PITPNM1: variants seen among roughly 807,000 people sequenced by gnomAD.
The protein encoded by PITPNM1 is membrane-associated phosphatidylinositol transfer protein 1.
PITPNM1 carries 74 observed loss-of-function variants against 133.3 expected under a neutral mutation model. That is an observed-to-expected ratio of 0.56 (90% CI 0.46 to 0.67). PITPNM1 has a LOEUF of 0.67. PITPNM1 is among the 30% of genes least tolerant of loss of function. The pLI is 0.00. For synonymous variants in PITPNM1, 738 were observed against 741.4 expected, an observed-to-expected ratio of 1.00 and a Z score of 0.08; for missense variants, 1,398 against 1,739.5, an observed-to-expected ratio of 0.80 and a Z score of 3.49.
rs1381527424 is a variant in PITPNM1 at position 67,498,089 on chromosome 11, G to T, written c.1674+44C>A. ...CTCACCCAGGCCAGACTACAGTGGG[G>T]GCTGCAGTGGAGGGCAGCAGATGGA... On this transcript the variant is annotated intron_variant, in intron 11 of 23. Coordinates refer to ENST00000356404, the MANE Select transcript of PITPNM1 (RefSeq NM_004910.3). This position sits in a 1 kb window ranked among gnomAD's most constrained non-coding sequence, Gnocchi z 5.7. The T allele has an allele frequency of 1.2e-6, 2 of 1,606,842 alleles. No homozygotes were observed. The highest frequency in any genetic ancestry group is 1.7e-6 in the Non-Finnish European group (2 of 1,176,734).
In PITPNM1 at chr11:67,504,940, G is replaced by A. The variant is rs1048986539; in HGVS notation, c.-42+248C>T. On this transcript the variant is annotated intron_variant, in intron 1 of 23. Coordinates refer to ENST00000356404, the MANE Select transcript of PITPNM1 (RefSeq NM_004910.3). This position sits in a 1 kb window ranked among gnomAD's most constrained non-coding sequence, Gnocchi z 5.4. ...AGGCAGCCACTCCGTCCTCTTCCCAGGGGGTGAGCCCTCCTCAGGCTGAGG... is the reference window on the plus strand; with the variant it reads ...AGGCAGCCACTCCGTCCTCTTCCCAAGGGGTGAGCCCTCCTCAGGCTGAGG... 2.0e-5 allele frequency: 3 copies of A among 152,602 alleles called. No homozygotes were observed. The highest frequency in any genetic ancestry group is 4.4e-5 in the Non-Finnish European group (3 of 68,380). 9.5% of individuals were successfully genotyped at this position (152,602 alleles called of 1,614,324 possible). A position where few individuals can be genotyped will look rare whatever the true frequency, so the allele number is the denominator to read the frequency against.
chr11:67,501,845 C>T lies in PITPNM1; in HGVS notation c.640+17G>A, dbSNP rs202164426. 2.6e-5 allele frequency: 42 copies of T among 1,610,038 alleles called. No homozygotes were observed. Among genetic ancestry groups the T allele is most frequent in the East Asian group, 2.2e-4 (10 of 44,790 alleles). On this transcript the variant is annotated intron_variant, in intron 5 of 23. Transcript: ENST00000356404. ...GGCATGCTGGGTAAGTGGGACCTCCCGCAGCTGGGTGCTCACCTACATCAT... is the reference window on the plus strand; with the variant it reads ...GGCATGCTGGGTAAGTGGGACCTCCTGCAGCTGGGTGCTCACCTACATCAT...
Position 67,502,763 on chromosome 11 carries a change from A to T in PITPNM1, c.79-45T>A, listed in dbSNP as rs777530100. 6.4e-7 allele frequency: 1 copy of T among 1,573,824 alleles called. No individual in the cohort carries two copies. Among genetic ancestry groups the T allele is most frequent in the East Asian group, 2.3e-5 (1 of 44,284 alleles). On this transcript the variant is annotated intron_variant, in intron 2 of 23. Transcript: ENST00000356404. This position sits in a 1 kb window ranked among gnomAD's most constrained non-coding sequence, Gnocchi z 5.9. ...AGGACAGGGAGCTCAGCCCCAGCTT[A>T]GCATCTGGGATCCCCAGCTCAGCCT... is the stretch of plus-strand genomic sequence containing the variant.
Position 67,499,894 on chromosome 11 carries a change from A to G in PITPNM1, c.1063+20T>C, listed in dbSNP as rs369872705. 1.9e-6 allele frequency: 3 copies of G among 1,605,634 alleles called. No homozygotes were observed. Among genetic ancestry groups the G allele is most frequent in the Middle Eastern group, 1.6e-4 (1 of 6,070 alleles). On this transcript the variant is annotated intron_variant, in intron 7 of 23. Transcript: ENST00000356404. ...CTGCTCGGGGACATCCCCACTCCCA[A>G]AAAGGGCCTCAGTGCTGACCGTGGG...
In PITPNM1 at chr11:67,502,501, C is replaced by T; in HGVS notation, c.293+3G>A. ...TCGGACCATGCCCAGCTCACCCACT[C>T]ACCGGGTTCGGGTGTAGGGGTAGGC... is the stretch of plus-strand genomic sequence containing the variant. On this transcript the variant is annotated splice_donor_region_variant and intron_variant, in intron 3 of 23. Transcript: ENST00000356404. This position sits in a 1 kb window ranked among gnomAD's most constrained non-coding sequence, Gnocchi z 5.9. The T allele has an allele frequency of 6.2e-7, 1 of 1,613,774 alleles. No individual in the cohort carries two copies. The highest frequency in any genetic ancestry group is 8.5e-7 in the Non-Finnish European group (1 of 1,180,014).
rs767060282 is a variant in PITPNM1, at chr11:67,495,074, C to T, written c.2631+3G>A. The T allele has an allele frequency of 6.2e-7, 1 of 1,612,758 alleles. No individual in the cohort carries two copies. Among genetic ancestry groups the T allele is most frequent in the South Asian group, 1.1e-5 (1 of 91,084 alleles). ...ATCTCCCATTCCATATTCCCAGGCC[C>T]ACCTGGCGCAGGATGAACGCCACCA... On this transcript the variant is annotated splice_donor_region_variant and intron_variant, in intron 17 of 23. Transcript: ENST00000356404.
chr11:67,496,544 A>C, intron 14 of PITPNM1, 196 bp from the exon 15 acceptor site: 1 of 533,316 alleles, frequency 1.9e-6, no homozygotes. Context: ...TCATGCCTGG[A>C]ATCCCAGTAC....
chr11:67,495,399 C>G (rs1866085357), intron 16 of PITPNM1, 39 bp downstream of exon 16: 2 of 1,464,974 alleles, frequency 1.4e-6, no homozygotes, highest in Non-Finnish European at 1.8e-6. Flanking sequence ...ACGGGCCTCC[C>G]CCACCCCCAG....
rs149128402 is a variant in PITPNM1 at position 67,497,927 on chromosome 11, C to T, written c.1772G>A (p.Arg591His). The change falls in exon 12 of 24, where the codon CGT (arginine) becomes CAT (histidine). Residue 591 changes from arginine to histidine, a missense_variant. Around this residue, in one of 5 missense-constraint regions of PITPNM1, gnomAD observed 574 missense variants for 698.7 expected, o/e 0.82. Coordinates refer to ENST00000356404, the MANE Select transcript of PITPNM1 (RefSeq NM_004910.3). ...TTTGGCTATACTGACCATGCTCCCA[C>T]GGCGGCTGCTGCCCCGACTCCCGGT... ...AGTGSRGSSRRGSMNNELLSP... is the reference protein window; with the variant it reads ...AGTGSRGSSRHGSMNNELLSP... The T allele has an allele frequency of 5.0e-5, 80 of 1,610,440 alleles. No homozygotes were observed. The highest frequency in any genetic ancestry group is 5.0e-4 in the Middle Eastern group (3 of 6,058).
intron 22 of PITPNM1, 148 bp downstream of exon 22, chr11:67,493,262 G>C (rs1865994975): frequency 9.2e-7 from 1 of 1,083,512 alleles, no homozygotes; most frequent in Non-Finnish European, 1.3e-6. Flanking sequence ...CCTCAAACTA[G>C]GGGAGCAGGA....
intron 12 of PITPNM1, 114 bp downstream of exon 12, chr11:67,497,803 G>T: frequency 6.8e-7 from 1 of 1,466,116 alleles, no homozygotes; most frequent in Non-Finnish European, 9.4e-7. Flanking sequence ...ACATGAACTG[G>T]CAGGGCAGCA....
chr11:67,500,498 T>G, intron 5 of PITPNM1, 77 bp from the exon 6 acceptor site: 1 of 1,442,524 alleles, frequency 6.9e-7, no homozygotes, highest in Non-Finnish European at 9.5e-7. Flanking sequence ...AGCCTTGAGG[T>G]TGGATAATGG....
chr11:67,492,044 T>C lies in PITPNM1; in HGVS notation c.3724A>G (p.Ser1242Gly), dbSNP rs1290231180. Residue 1242 changes from serine (S) to glycine (G), a missense_variant, in exon 24 of 24, where the codon AGC becomes GGC. Transcript: ENST00000356404. ...KARSISLKLD[S>G]EE ...GGCTGGTGTGGGCCTCACTCCTCGC[T>C]GTCCAGCTTCAGGCTGATGCTCCGT... 2 of 1,612,280 alleles carry C rather than the reference T, an allele frequency of 1.2e-6. No homozygotes were observed. The highest frequency in any genetic ancestry group is 1.7e-5 in the Admixed American group (1 of 59,992).
Position 67,504,229 on chromosome 11 carries a change from A to T in PITPNM1, c.-41-8T>A. 7.0e-7 allele frequency: 1 copy of T among 1,419,102 alleles called. No individual in the cohort carries two copies. Among genetic ancestry groups the T allele is most frequent in the Non-Finnish European group, 9.6e-7 (1 of 1,044,590 alleles). The allele number at this position is 1,419,102 out of a possible 1,614,324, so 87.9% of individuals were successfully genotyped here. A position where few individuals can be genotyped will look rare whatever the true frequency, so the allele number is the denominator to read the frequency against. ...GCGCGGCCTCCGCTCCTCCTGGCGC[A>T]GGGCACGGCGCGACAGTCAGTGCGG... is the stretch of plus-strand genomic sequence containing the variant. On this transcript the variant is annotated splice_polypyrimidine_tract_variant and splice_region_variant and intron_variant, in intron 1 of 23. Coordinates refer to ENST00000356404, the MANE Select transcript of PITPNM1 (RefSeq NM_004910.3). This position sits in a 1 kb window ranked among gnomAD's most constrained non-coding sequence, Gnocchi z 5.4.
chr11:67,499,087 T>G, intron 8 of PITPNM1, 86 bp from the exon 9 acceptor site: 1 of 1,337,984 alleles, frequency 7.5e-7, no homozygotes, highest in Middle Eastern at 1.9e-4. Flanking sequence ...AGTTCTGGCA[T>G]CTGCCTGAGG....
rs1484213817 is a variant in PITPNM1 at position 67,498,800 on chromosome 11, T to A, written c.1280A>T (p.His427Leu). 6.2e-7 allele frequency: 1 copy of A among 1,612,548 alleles called. No homozygotes were observed. Among genetic ancestry groups the A allele is most frequent in the South Asian group, 1.1e-5 (1 of 91,070 alleles). ...GCTGTGCAGGATAAGGAAGAGGGCG[T>A]GGACTGCGCATGCCTCAGCCCCCAG... ...GELGAEACAV[H>L]ALFLILHSGN... Residue 427 changes from histidine to leucine, a missense_variant, in exon 10 of 24, where the codon CAC (histidine) becomes CTC (leucine). Physicochemically the swap from His to Leu is moderately conservative, Grantham distance 99. Coordinates refer to ENST00000356404, the MANE Select transcript of PITPNM1 (RefSeq NM_004910.3). The surrounding 1 kb of genome is among the most constrained non-coding windows in gnomAD (Gnocchi z 5.7).
At position 67,496,349 on chromosome 11, in the gene PITPNM1, C is replaced by A; in HGVS notation, c.2147-1G>T. On this transcript the variant is annotated splice_acceptor_variant, in intron 14 of 23. Transcript: ENST00000356404. LOFTEE classifies it high-confidence loss of function. ...TCACAGGCTGGGCGCATCTGGGCTG[C>A]TGGTACCCAGAAGACAGAGAAAGAT... is the stretch of plus-strand genomic sequence containing the variant. The A allele has an allele frequency of 6.4e-7, 1 of 1,573,790 alleles. No individual in the cohort carries two copies. Among genetic ancestry groups the A allele is most frequent in the Non-Finnish European group, 8.6e-7 (1 of 1,166,956 alleles).
intron 18 of PITPNM1, 24 bp downstream of exon 18, chr11:67,494,822 G>GA: frequency 1.3e-6 from 2 of 1,559,828 alleles, no homozygotes; most frequent in Non-Finnish European, 1.8e-6. Context: ...GAGTGGGCGA[G>GA]GGGGCGAGGG....
chr11:67,501,783 G>T, intron 5 of PITPNM1, 79 bp downstream of exon 5: 1 of 1,243,604 alleles, frequency 8.0e-7, no homozygotes, highest in Non-Finnish European at 1.1e-6. Context: ...TGTCCCCAGT[G>T]GATGGGAGCA....
Sources: allele counts gnomAD v4.1 joint callset, GRCh38; gene constraint gnomAD v4.1.1; regional missense constraint gnomAD v4.1.1; non-coding constraint Gnocchi (gnomAD v3.1); transcripts MANE v1.5; gene names NCBI Gene and HGNC (gene_info 2026-07-23, HGNC 2026-07-21).